Variants in APPL2 observed in about 807,000 individuals in gnomAD.
APPL2 encodes the protein adaptor protein, phosphotyrosine interacting with PH domain and leucine zipper 2, also known as DCC-interacting protein 13-beta.
A neutral mutation model predicts 92.7 loss-of-function variants in APPL2; 84 were observed. The observed-to-expected ratio is 0.91, with a 90% CI of 0.76 to 1.09. The LOEUF is 1.09. Among genes scored for constraint, APPL2 ranks in the 50% least tolerant of loss-of-function variants. APPL2 has a pLI of 0.00. For missense variants in APPL2, 736 were observed against 824.5 expected (o/e 0.89, Z 1.31); for synonymous variants, 291 against 291.0 (o/e 1.00, Z 0.00).
chr12:105,217,285 G>A lies in APPL2; in HGVS notation c.214-145C>T, dbSNP rs1889768638. The A allele has an allele frequency of 1.0e-5, 6 of 602,162 alleles. No individual in the cohort carries two copies. In the East Asian group the frequency reaches 1.4e-4, roughly 14 times the overall value. 37.3% of individuals were successfully genotyped at this position (602,162 alleles called of 1,614,324 possible). A position where few individuals can be genotyped will look rare whatever the true frequency, so the allele number is the denominator to read the frequency against. On this transcript the variant is annotated intron_variant, in intron 3 of 20. Transcript: ENST00000258530. ...TATCAGAAGTGTCTACCTGAAGAGG[G>A]AGTCACAGCTATCCCCTTTGTCCTG...
rs59593474 is a variant in APPL2, at chr12:105,229,757, G to A, written c.55-534C>T. On this transcript the variant is annotated intron_variant, in intron 1 of 20. Coordinates refer to ENST00000258530, the MANE Select transcript of APPL2 (RefSeq NM_018171.5). ...TCATTCTTTCCTCTTATGGTACTAC[G>A]ATTTCCTTGTTTCTTTTTCTTTCTT... 2.7e-5 allele frequency: 27 copies of A among 987,766 alleles called. No homozygotes were observed. In the South Asian group the frequency reaches 7.5e-4, roughly 27 times the overall value. The allele number at this position is 987,766 out of a possible 1,614,324, so 61.2% of individuals were successfully genotyped here.
At chr12:105,190,183 A>G in intron 14 of APPL2, 28 bp from the exon 15 acceptor site, 2 of 1,598,302 alleles carry the variant, frequency 1.3e-6, no homozygotes, top group Non-Finnish European at 1.7e-6. Flanking sequence ...CAATTCCCTT[A>G]ACCTTACGCT....
chr12:105,186,699 C>CTCATAT, intron 17 of APPL2, among the ~76,000 whole-genome samples: 1 of 134,546 alleles, frequency 7.4e-6, no homozygotes, highest in South Asian at 2.2e-4. Flanking sequence ...TATCATATAT[C>CTCATAT]ATATCATATA....
intron 14 of APPL2, 76 bp downstream of exon 14, chr12:105,195,185 A>T: frequency 1.4e-6 from 2 of 1,430,180 alleles, no homozygotes; most frequent in Non-Finnish European, 2.0e-6. Context: ...TGTGTGGATT[A>T]AGCAACAACT....
At chr12:105,202,222 A>G (rs536986697) in intron 9 of APPL2, among the ~76,000 whole-genome samples, 29 of 152,272 alleles carry the variant, frequency 1.9e-4, no homozygotes, top group Non-Finnish European at 3.7e-4. Flanking sequence ...AACTCACAGA[A>G]CCAGCCCCAG....
chr12:105,209,713 G>A (rs1402740662), intron 5 of APPL2, among the ~76,000 whole-genome samples: 2 of 152,210 alleles, frequency 1.3e-5, no homozygotes, highest in African/African-American at 4.8e-5. Context: ...GCAGATGACT[G>A]AGGCAAGCAT....
At chr12:105,189,854 C>T (rs773676819) in intron 15 of APPL2, 30 bp from the exon 16 acceptor site, 17 of 1,613,662 alleles carry the variant, frequency 1.1e-5, no homozygotes, top group Non-Finnish European at 1.4e-5. Flanking sequence ...TGAACAAACA[C>T]GACAGCTGCA....
At chr12:105,217,470 G>A (rs1379256574) in intron 3 of APPL2, among the ~76,000 whole-genome samples, 196 bp downstream of exon 3, 2 of 152,102 alleles carry the variant, frequency 1.3e-5, no homozygotes, top group Non-Finnish European at 2.9e-5. Context: ...TACTTCTAGA[G>A]GCTAATTAGA....
chr12:105,216,706 T>C (rs1437278980), intron 4 of APPL2, among the ~76,000 whole-genome samples: 1 of 152,234 alleles, frequency 6.6e-6, no homozygotes, highest in Non-Finnish European at 1.5e-5. Flanking sequence ...CACCTTGACT[T>C]CAGCCTTCTG....
intron 1 of APPL2, among the ~76,000 whole-genome samples, chr12:105,230,690 C>T (rs1890857525): frequency 1.3e-5 from 2 of 152,298 alleles, no homozygotes; most frequent in South Asian, 4.1e-4. Context: ...GGGATCATTA[C>T]CTCCCACCAC....
chr12:105,221,348 C>T (rs920049847), intron 2 of APPL2, among the ~76,000 whole-genome samples: 3 of 152,200 alleles, frequency 2.0e-5, no homozygotes, highest in African/African-American at 7.2e-5. Context: ...CCTCACAGTG[C>T]ACCCATGAAG....
chr12:105,183,147 T>C (rs1886279538), intron 17 of APPL2, among the ~76,000 whole-genome samples: 1 of 151,190 alleles, frequency 6.6e-6, no homozygotes, highest in Non-Finnish European at 1.5e-5. Flanking sequence ...AGCCTATGTG[T>C]GTCTCTGCAC....
At chr12:105,207,485 C>T in intron 7 of APPL2, among the ~76,000 whole-genome samples, 1 of 152,176 alleles carries the variant, frequency 6.6e-6, no homozygotes, top group Admixed American at 6.5e-5. Flanking sequence ...AATATGGCAG[C>T]ATGTACTGAA....
intron 4 of APPL2, 93 bp from the exon 5 acceptor site, chr12:105,211,410 G>A (rs535449871): frequency 3.8e-5 from 35 of 913,574 alleles, no homozygotes; most frequent in Admixed American, 6.1e-5. Context: ...GAACACTTCC[G>A]TGTGGTCACA....
intron 2 of APPL2, among the ~76,000 whole-genome samples, chr12:105,226,624 G>A (rs1890531248): frequency 6.6e-6 from 1 of 152,092 alleles, no homozygotes. Flanking sequence ...TCACGTCTTG[G>A]GTTTTTAAGC....
intron 2 of APPL2, among the ~76,000 whole-genome samples, chr12:105,227,811 A>C (rs1326810135): frequency 1.3e-5 from 2 of 152,244 alleles, no homozygotes; most frequent in East Asian, 1.9e-4. Flanking sequence ...TACCATAGGC[A>C]TAATAACAAT....
chr12:105,190,044 T>A lies in APPL2; in HGVS notation c.1353A>T (p.Gln451His). The A allele has an allele frequency of 2.5e-6, 4 of 1,614,216 alleles. No homozygotes were observed. Among genetic ancestry groups the A allele is most frequent in the Non-Finnish European group, 3.4e-6 (4 of 1,180,050 alleles). ...EELIAPGTPI[Q>H]FDIVLPATEF... Reference sequence around the variant, plus strand: ...CTGTAGCAGGAAGCACAATATCGAATTGAATCGGCGTTCCAGGCGCGATCA... The same window carrying A: ...CTGTAGCAGGAAGCACAATATCGAAATGAATCGGCGTTCCAGGCGCGATCA... Residue 451 changes from glutamine to histidine, a missense_variant, in exon 15 of 21, where the codon CAA becomes CAT. Coordinates refer to ENST00000258530, the MANE Select transcript of APPL2 (RefSeq NM_018171.5).
intron 1 of APPL2, among the ~76,000 whole-genome samples, chr12:105,230,500 T>C (rs1264169059): frequency 1.3e-5 from 2 of 152,202 alleles, no homozygotes; most frequent in Non-Finnish European, 2.9e-5. Flanking sequence ...TGAAGAATAA[T>C]TTCAGGAATG....
chr12:105,185,903 G>A (rs1175530620), intron 17 of APPL2, among the ~76,000 whole-genome samples: 1 of 152,054 alleles, frequency 6.6e-6, no homozygotes, highest in Non-Finnish European at 1.5e-5. Context: ...TATCATCCCA[G>A]AGGAAACTCC....
Sources: gnomAD v4.1 joint callset for allele counts (sites outside exome capture counted in the v4.1 genomes callset) on GRCh38, gnomAD v4.1.1 for gene constraint, MANE v1.5 for transcripts, NCBI Gene and HGNC (gene_info 2026-07-23, HGNC 2026-07-21) for gene names.